SNX24: variants seen among roughly 807,000 people sequenced by gnomAD.
The protein encoded by SNX24 is sorting nexin-24.
In SNX24, 22 loss-of-function variants were observed where a neutral mutation model predicts 28.7. That is an observed-to-expected ratio of 0.77 (90% CI 0.55 to 1.10). SNX24 has a LOEUF of 1.10. Ranked by LOEUF, SNX24 falls within the 50% of genes least tolerant of loss-of-function variation. The pLI, the probability that SNX24 is intolerant of heterozygous loss-of-function variation, is 0.00. For synonymous variants in SNX24, 69 were observed against 71.5 expected, an observed-to-expected ratio of 0.96 and a Z score of 0.18; for missense variants, 221 against 201.1, an observed-to-expected ratio of 1.10 and a Z score of -0.60.
intron 2 of SNX24, among the ~76,000 whole-genome samples, chr5:122,937,474 T>G (rs1308010949): frequency 1.3e-5 from 2 of 152,220 alleles, no homozygotes; most frequent in Non-Finnish European, 2.9e-5. Flanking sequence ...AAATGCTTCT[T>G]TATTTTCTAC....
intron 3 of SNX24, among the ~76,000 whole-genome samples, chr5:122,998,507 TTCTA>T (rs999512510): frequency 3.3e-5 from 5 of 152,218 alleles, no homozygotes; most frequent in African/African-American, 9.6e-5. Flanking sequence ...CAATTTTTTC[TTCTA>T]TCTTTTATTC....
intron 1 of SNX24, among the ~76,000 whole-genome samples, chr5:122,894,346 A>C (rs749260644): frequency 1.3e-5 from 2 of 152,002 alleles, no homozygotes; most frequent in African/African-American, 4.8e-5. Flanking sequence ...ATATATCTCC[A>C]TCTCTTGTTA....
intron 2 of SNX24, among the ~76,000 whole-genome samples, chr5:122,939,563 A>T (rs1759347845): frequency 6.6e-6 from 1 of 152,104 alleles, no homozygotes; most frequent in African/African-American, 2.4e-5. Flanking sequence ...ATGTTTACTG[A>T]TGTGTCTGTT....
downstream of SNX24, among the ~76,000 whole-genome samples, chr5:123,011,487 T>C (rs1003729940): frequency 6.0e-5 from 9 of 150,526 alleles, no homozygotes; most frequent in African/African-American, 2.3e-4. Context: ...AGTTATAAGT[T>C]CCCATTGAAA....
At chr5:122,870,010 T>C (rs1352854153) in intron 1 of SNX24, among the ~76,000 whole-genome samples, 1 of 152,184 alleles carries the variant, frequency 6.6e-6, no homozygotes, top group African/African-American at 2.4e-5. Context: ...GTATAACTTT[T>C]AGGGAAACTT....
At chr5:122,888,304 A>G (rs2150067587) in intron 1 of SNX24, among the ~76,000 whole-genome samples, 1 of 152,128 alleles carries the variant, frequency 6.6e-6, no homozygotes, top group East Asian at 1.9e-4. Flanking sequence ...CCAGGTTCCT[A>G]TCCGTTAGGG....
At chr5:122,958,785 C>G (rs1231749549) in intron 3 of SNX24, among the ~76,000 whole-genome samples, 1 of 151,766 alleles carries the variant, frequency 6.6e-6, no homozygotes, top group East Asian at 1.9e-4. Context: ...GTCTCAGACT[C>G]CTGAGCTCAA....
intron 3 of SNX24, among the ~76,000 whole-genome samples, chr5:122,970,033 T>C (rs553988910): frequency 1.3e-5 from 2 of 151,932 alleles, no homozygotes; most frequent in Non-Finnish European, 2.9e-5. Context: ...CTGGAAGCTA[T>C]TTGTGATTAG....
intron 1 of SNX24, among the ~76,000 whole-genome samples, chr5:122,931,218 G>A (rs1200777420): frequency 6.6e-6 from 1 of 152,062 alleles, no homozygotes; most frequent in Non-Finnish European, 1.5e-5. Context: ...TATCAATGTG[G>A]CATCTTAAAA....
chr5:123,013,755 A>G (rs1762633866), downstream of SNX24, among the ~76,000 whole-genome samples: 1 of 152,202 alleles, frequency 6.6e-6, no homozygotes, highest in East Asian at 1.9e-4. Flanking sequence ...TGGTGTCCCT[A>G]GCTACAATAT....
intron 2 of SNX24, 36 bp from the exon 3 acceptor site, chr5:122,946,019 T>C (rs1166989538): frequency 8.3e-7 from 1 of 1,211,768 alleles, no homozygotes; most frequent in African/African-American, 1.5e-5. Flanking sequence ...TCTCTGTTTT[T>C]TTTTTTCTTT....
At position 122,943,182 on chromosome 5, in the gene SNX24, T is replaced by C. The variant is rs1759535368; in HGVS notation, c.145-2873T>C. Among the ~76,000 whole-genome samples, 5 of 152,100 alleles carry C rather than the reference T, an allele frequency of 3.3e-5. No homozygotes were observed. The South Asian group carries it at 1.0e-3, about 32-fold the overall frequency. On this transcript the variant is annotated intron_variant, in intron 2 of 6. Transcript: ENST00000261369. ...AATTCTAAATTCCCCTCCTTCTCTC[T>C]CCCTTGCATTATCAGTTTCCCCCTC...
chr5:122,893,310 T>C (rs1161619600), intron 1 of SNX24, among the ~76,000 whole-genome samples: 1 of 152,202 alleles, frequency 6.6e-6, no homozygotes, highest in Admixed American at 6.5e-5. Context: ...GACCATTTCT[T>C]ATGTTTTGTC....
rs553379293 is a variant in SNX24, at chr5:122,852,382, C to T, written c.60+6689C>T. 9.0e-4 allele frequency among the ~76,000 whole-genome samples: 136 copies of T among 151,264 alleles called. 1 individual carries two copies. Among genetic ancestry groups the T allele is most frequent in the Non-Finnish European group, 1.5e-3 (105 of 67,898 alleles). The stretch of plus-strand genomic sequence containing the variant: ...TTTTTGACAGAGGGTTTCACTCTGT[C>T]GCCCAGGCTGAGTTCAGTGGTACAA... On this transcript the variant is annotated intron_variant, in intron 1 of 6. Transcript: ENST00000261369.
At chr5:122,925,285 C>A (rs904421721) in intron 1 of SNX24, among the ~76,000 whole-genome samples, 6 of 139,884 alleles carry the variant, frequency 4.3e-5, no homozygotes, top group Non-Finnish European at 3.0e-5. Flanking sequence ...TCCTTTCCTT[C>A]TGAGTGAACT....
chr5:123,026,112 T>C, intron 5 of SNX24: 1 of 684,586 alleles, frequency 1.5e-6, no homozygotes. Context: ...TAAGCAGACA[T>C]GAAGGAGGGA....
At chr5:123,004,343 G>A (rs745387066) in intron 6 of SNX24, among the ~76,000 whole-genome samples, 11 of 152,154 alleles carry the variant, frequency 7.2e-5, no homozygotes, top group Admixed American at 3.3e-4. Flanking sequence ...TGATTTCAGT[G>A]TGGCTGAAGC....
chr5:122,897,933 G>A (rs1355647704), intron 1 of SNX24, among the ~76,000 whole-genome samples: 1 of 152,100 alleles, frequency 6.6e-6, no homozygotes, highest in Non-Finnish European at 1.5e-5. Context: ...GCTTCTTGGG[G>A]GAAAATACCA....
In SNX24 at chr5:122,969,775, G is replaced by A. The variant is rs137925236; in HGVS notation, c.249+23616G>A. Among the ~76,000 whole-genome samples the A allele has an allele frequency of 3.3e-5, 5 of 152,152 alleles. No individual in the cohort carries two copies. The East Asian group carries it at 9.7e-4, about 29-fold the overall frequency. ...AGGAGACTAATCCTGGATCCCTCTT[G>A]CCCCAGTGAGACCTTCTTTATATTC... is the stretch of plus-strand genomic sequence containing the variant. On this transcript the variant is annotated intron_variant, in intron 3 of 6. Transcript: ENST00000261369.
Sources: allele counts gnomAD v4.1 joint callset (sites outside exome capture counted in the v4.1 genomes callset), GRCh38; gene constraint gnomAD v4.1.1; transcripts MANE v1.5; gene names NCBI Gene and HGNC (gene_info 2026-07-23, HGNC 2026-07-21).